MDGA2: variants seen among roughly 807,000 people sequenced by gnomAD.
The protein encoded by MDGA2 is MAM domain-containing glycosylphosphatidylinositol anchor protein 2.
MDGA2 carries 40 observed loss-of-function variants against 117.8 expected under a neutral mutation model. That is an observed-to-expected ratio of 0.34 (90% CI 0.26 to 0.44). The LOEUF is 0.44. MDGA2 is among the 20% of genes least tolerant of loss of function. MDGA2 has a pLI of 1.00. For missense variants in MDGA2, 1,123 were observed against 1,250.6 expected (o/e 0.90, Z 1.54); for synonymous variants, 452 against 439.0 (o/e 1.03, Z -0.37).
chr14:47,534,755 G>T (rs556468238), intron 1 of MDGA2, among the ~76,000 whole-genome samples: 9 of 152,230 alleles, frequency 5.9e-5, no homozygotes, highest in African/African-American at 2.2e-4. Flanking sequence ...AACCAAGTCT[G>T]GTATATTGCG....
rs572611184 is a variant in MDGA2 at position 46,843,976 on chromosome 14, T to C, written c.2989+1790A>G. Reference sequence around the variant, plus strand: ...CAGTCATTTTTAACAGGAATGATTTTAGATTTCATAGCTTCGAATGTGAAA... The same window carrying C: ...CAGTCATTTTTAACAGGAATGATTTCAGATTTCATAGCTTCGAATGTGAAA... On this transcript the variant is annotated intron_variant, in intron 16 of 16. Transcript: ENST00000399232. Among the ~76,000 whole-genome samples the C allele has an allele frequency of 2.6e-5, 4 of 152,320 alleles. No homozygotes were observed. In the South Asian group the frequency reaches 8.3e-4, roughly 32 times the overall value.
chr14:47,201,000 G>T, intron 3 of MDGA2: 3 of 858,926 alleles, frequency 3.5e-6, no homozygotes, highest in South Asian at 1.3e-5. Context: ...CGCAGCATAC[G>T]ACCACCACTT....
At chr14:47,351,327 C>T (rs561202550) in intron 1 of MDGA2, among the ~76,000 whole-genome samples, 2 of 152,214 alleles carry the variant, frequency 1.3e-5, no homozygotes, top group East Asian at 1.9e-4. Flanking sequence ...AGTGATCTGC[C>T]GGCCTCAGCC....
chr14:47,026,472 A>C (rs1040638932), intron 8 of MDGA2, among the ~76,000 whole-genome samples: 11 of 152,092 alleles, frequency 7.2e-5, no homozygotes, highest in African/African-American at 2.7e-4. Context: ...AGTTAATTTG[A>C]TAGCACTTTA....
chr14:46,987,732 ACTATGTGAAAGGCAACTACTATGTTGCTT>A (rs1298692768), intron 8 of MDGA2, among the ~76,000 whole-genome samples: 2 of 152,060 alleles, frequency 1.3e-5, no homozygotes, highest in Admixed American at 6.6e-5. Flanking sequence ...GAAACTTACA[ACTATGTGAAAGGCAACTACTATGTTGCTT>A]CTATGTGCAA....
rs139108638 is a variant in MDGA2, at chr14:46,997,646, T to C, written c.1819+37365A>G. Among the ~76,000 whole-genome samples the C allele has an allele frequency of 1.1e-3, 167 of 152,314 alleles. No homozygotes were observed. In the East Asian group the frequency reaches 0.023, roughly 21 times the overall value. On this transcript the variant is annotated intron_variant, in intron 8 of 16. Coordinates refer to ENST00000399232, the MANE Select transcript of MDGA2 (RefSeq NM_001113498.3). ...TAGCATTACTGTCAGAATTGCATTTTCTTTCACTTTTTTGTTGTTACTGCT... is the reference window on the plus strand; with the variant it reads ...TAGCATTACTGTCAGAATTGCATTTCCTTTCACTTTTTTGTTGTTACTGCT...
At chr14:47,540,540 G>GTGTGTGTGTGTATATATATATATA in intron 1 of MDGA2, among the ~76,000 whole-genome samples, 17 of 79,206 alleles carry the variant, frequency 2.1e-4, no homozygotes, top group East Asian at 4.9e-4. Flanking sequence ...GTGTGTGTGT[G>GTGTGTGTGTGTATATATATATATA]TATATATATA....
chr14:47,031,742 G>A (rs951365912), intron 8 of MDGA2, among the ~76,000 whole-genome samples: 12 of 152,100 alleles, frequency 7.9e-5, no homozygotes, highest in African/African-American at 2.2e-4. Context: ...CTGCCATTGC[G>A]ATAGGATAGT....
chr14:47,448,535 T>C (rs763316495), intron 1 of MDGA2, among the ~76,000 whole-genome samples: 1 of 152,136 alleles, frequency 6.6e-6, no homozygotes, highest in Non-Finnish European at 1.5e-5. Context: ...GATTTAGTAA[T>C]GAGGTTTGGA....
chr14:47,179,550 ATAAT>A (rs1884615265), intron 3 of MDGA2, among the ~76,000 whole-genome samples: 2 of 152,074 alleles, frequency 1.3e-5, no homozygotes, highest in Admixed American at 1.3e-4. Flanking sequence ...TCATTTACAC[ATAAT>A]TAAAGGTTTG....
chr14:47,597,119 G>A (rs536951949), intron 1 of MDGA2, among the ~76,000 whole-genome samples: 1 of 152,186 alleles, frequency 6.6e-6, no homozygotes, highest in Non-Finnish European at 1.5e-5. Flanking sequence ...TGTTCAAGCA[G>A]TTATGAGACA....
intron 1 of MDGA2, among the ~76,000 whole-genome samples, chr14:47,589,771 ATAAGAG>A (rs1566529589): frequency 6.6e-6 from 1 of 151,984 alleles, no homozygotes; most frequent in Admixed American, 6.6e-5. Flanking sequence ...TGTCATCTTA[ATAAGAG>A]TAAGTCTTCC....
chr14:47,246,688 C>T (rs1887248423), intron 2 of MDGA2, among the ~76,000 whole-genome samples: 1 of 151,566 alleles, frequency 6.6e-6, no homozygotes, highest in South Asian at 2.1e-4. Flanking sequence ...TGACTCCTCC[C>T]TTTATTTTTT....
Position 47,276,624 on chromosome 14 carries a change from T to A in MDGA2, c.420+24787A>T, listed in dbSNP as rs1345552764. ...TTATCTCTGATAAAAAAAATTCCAA[T>A]TAAAAAAGACACTAGCAAAGAAACA... is the stretch of plus-strand genomic sequence containing the variant. On this transcript the variant is annotated intron_variant, in intron 2 of 16. Coordinates refer to ENST00000399232, the MANE Select transcript of MDGA2 (RefSeq NM_001113498.3). Among the ~76,000 whole-genome samples, 5 of 152,208 alleles carry A rather than the reference T, an allele frequency of 3.3e-5. No individual in the cohort carries two copies. In the East Asian group the frequency reaches 9.7e-4, roughly 29 times the overall value.
At chr14:47,009,019 T>C (rs1887806149) in intron 8 of MDGA2, among the ~76,000 whole-genome samples, 1 of 151,972 alleles carries the variant, frequency 6.6e-6, no homozygotes, top group African/African-American at 2.4e-5. Flanking sequence ...GCCCAACTCA[T>C]AAATAAAATA....
chr14:47,433,778 C>G (rs1892845066), intron 1 of MDGA2, among the ~76,000 whole-genome samples: 1 of 152,086 alleles, frequency 6.6e-6, no homozygotes. Context: ...GCAGACAAAG[C>G]ATTATCTGCT....
intron 5 of MDGA2, 131 bp from the exon 6 acceptor site, chr14:47,097,254 T>A: frequency 1.1e-6 from 1 of 877,526 alleles, no homozygotes; most frequent in Non-Finnish European, 1.7e-6. Context: ...AATCATACTG[T>A]ATTACTCAAA....
chr14:47,130,991 C>G (rs187536088), intron 5 of MDGA2, among the ~76,000 whole-genome samples: 2 of 152,100 alleles, frequency 1.3e-5, no homozygotes, highest in African/African-American at 4.8e-5. Flanking sequence ...ACGTTGTGCA[C>G]ATGTACCCTA....
chr14:47,225,776 AC>A (rs1306509064), intron 2 of MDGA2, among the ~76,000 whole-genome samples: 2 of 152,008 alleles, frequency 1.3e-5, no homozygotes, highest in Non-Finnish European at 2.9e-5. Flanking sequence ...ACTAACCAGC[AC>A]ATTGTGCACA....
Sources: allele counts gnomAD v4.1 joint callset (sites outside exome capture counted in the v4.1 genomes callset), GRCh38; gene constraint gnomAD v4.1.1; transcripts MANE v1.5; gene names NCBI Gene and HGNC (gene_info 2026-07-23, HGNC 2026-07-21).